Variants in CTNNA3 observed in about 807,000 individuals in gnomAD.
CTNNA3 encodes the protein catenin alpha-3.
CTNNA3 carries 76 observed loss-of-function variants against 95.7 expected under a neutral mutation model. The observed-to-expected ratio is 0.79, with a 90% CI of 0.66 to 0.96. The LOEUF is 0.96. Ranked by LOEUF, CTNNA3 falls within the 40% of genes least tolerant of loss-of-function variation. The pLI is 0.00. For synonymous variants in CTNNA3, 431 were observed against 374.4 expected (o/e 1.15, Z -1.74); for missense variants, 1,191 against 1,089.8 (o/e 1.09, Z -1.31).
intron 13 of CTNNA3, among the ~76,000 whole-genome samples, chr10:66,223,438 C>T (rs1235590765): frequency 2.6e-5 from 4 of 152,106 alleles, no homozygotes; most frequent in African/African-American, 4.8e-5. Context: ...TTTTCTACTA[C>T]GTTCATCGTT....
At chr10:65,930,946 T>C (rs1478200182) in intron 17 of CTNNA3, among the ~76,000 whole-genome samples, 1 of 152,212 alleles carries the variant, frequency 6.6e-6, no homozygotes, top group Non-Finnish European at 1.5e-5. Context: ...TAAGTATATA[T>C]ACTGTACATG....
intron 11 of CTNNA3, among the ~76,000 whole-genome samples, chr10:66,475,962 G>C (rs1030149776): frequency 6.6e-6 from 1 of 151,940 alleles, no homozygotes; most frequent in Non-Finnish European, 1.5e-5. Flanking sequence ...TGGAATCAAC[G>C]CAAATGCCAT....
chr10:66,204,622 C>T (rs558036731), intron 13 of CTNNA3, among the ~76,000 whole-genome samples: 5 of 152,216 alleles, frequency 3.3e-5, no homozygotes, highest in Admixed American at 6.5e-5. Flanking sequence ...GACGAGTATC[C>T]CTGTGCTCTT....
chr10:66,794,289 A>G (rs146060492), intron 7 of CTNNA3, among the ~76,000 whole-genome samples: 68 of 152,276 alleles, frequency 4.5e-4, no homozygotes, highest in African/African-American at 1.5e-3. Context: ...GAATACCTCA[A>G]AGATATTCGG....
chr10:67,369,086 A>C (rs2132694888), intron 5 of CTNNA3, among the ~76,000 whole-genome samples: 1 of 152,250 alleles, frequency 6.6e-6, no homozygotes, highest in Non-Finnish European at 1.5e-5. Flanking sequence ...ACACAGCAAA[A>C]CCCTGTCACT....
At chr10:66,063,686 T>G (rs2080256145) in intron 15 of CTNNA3, among the ~76,000 whole-genome samples, 2 of 152,100 alleles carry the variant, frequency 1.3e-5, no homozygotes, top group African/African-American at 2.4e-5. Flanking sequence ...TATTGCTTTT[T>G]TATATTTACC....
chr10:67,370,027 A>T (rs1472093036), intron 5 of CTNNA3, among the ~76,000 whole-genome samples: 2 of 152,152 alleles, frequency 1.3e-5, no homozygotes, highest in Admixed American at 1.3e-4. Context: ...TACATACTTA[A>T]GTGTATGTAT....
At position 67,180,340 on chromosome 10, in the gene CTNNA3, G is replaced by A. The variant is rs765576079; in HGVS notation, c.1024C>T (p.Leu342=). The change falls in exon 7 of 18, where the codon CTG becomes TTG. Residue 342 remains leucine, a synonymous_variant. Transcript: ENST00000433211. ...ACGTTGTTCATGTACTCTGAAAGCA[G>A]ATCCTGAAGAGCCTGGCGAATGGCG... is the stretch of plus-strand genomic sequence containing the variant. ...CNAIRQALQD[L]LSEYMNNAGK... 1 of 1,613,412 alleles carries A rather than the reference G, an allele frequency of 6.2e-7. No homozygotes were observed. Among genetic ancestry groups the A allele is most frequent in the African/African-American group, 1.3e-5 (1 of 74,888 alleles).
intron 17 of CTNNA3, among the ~76,000 whole-genome samples, chr10:65,940,757 T>A (rs2077417188): frequency 6.6e-6 from 1 of 152,182 alleles, no homozygotes; most frequent in Admixed American, 6.5e-5. Flanking sequence ...TGGGATTATA[T>A]CCTGTTCAAA....
At chr10:66,025,410 A>T (rs912116142) in intron 15 of CTNNA3, among the ~76,000 whole-genome samples, 2 of 152,236 alleles carry the variant, frequency 1.3e-5, no homozygotes, top group African/African-American at 4.8e-5. Flanking sequence ...TGTTTCCTGG[A>T]AAACAATGTC....
intron 15 of CTNNA3, among the ~76,000 whole-genome samples, chr10:66,068,500 A>T (rs1336160786): frequency 6.6e-6 from 1 of 152,180 alleles, no homozygotes; most frequent in South Asian, 2.1e-4. Flanking sequence ...ATGATTTTAA[A>T]ATTAACAGTT....
intron 13 of CTNNA3, among the ~76,000 whole-genome samples, chr10:66,270,257 A>G (rs1390601645): frequency 6.6e-6 from 1 of 151,640 alleles, no homozygotes; most frequent in Non-Finnish European, 1.5e-5. Flanking sequence ...TTTGTCACCC[A>G]GGCTGCAGTG....
chr10:66,921,968 C>G (rs1393545059), intron 7 of CTNNA3, among the ~76,000 whole-genome samples: 1 of 152,064 alleles, frequency 6.6e-6, no homozygotes, highest in Non-Finnish European at 1.5e-5. Context: ...GATATCAGTC[C>G]ATTCTCTTTC....
chr10:67,683,825 C>A (rs546713105), intron 1 of CTNNA3, among the ~76,000 whole-genome samples: 1 of 152,224 alleles, frequency 6.6e-6, no homozygotes, highest in Non-Finnish European at 1.5e-5. Flanking sequence ...GGAGTGAAGC[C>A]ACAGACCTTC....
intron 7 of CTNNA3, among the ~76,000 whole-genome samples, chr10:66,916,635 C>G (rs891286825): frequency 1.3e-5 from 2 of 152,134 alleles, no homozygotes; most frequent in Non-Finnish European, 2.9e-5. Flanking sequence ...CCATAGGATT[C>G]ATTTGTTGAT....
chr10:66,732,447 G>C (rs2132669328), intron 9 of CTNNA3, among the ~76,000 whole-genome samples: 1 of 152,276 alleles, frequency 6.6e-6, no homozygotes, highest in South Asian at 2.1e-4. Context: ...TCTCGAGACT[G>C]GTTCATTTAT....
chr10:66,121,122 C>T (rs2082554955), intron 13 of CTNNA3, among the ~76,000 whole-genome samples: 1 of 152,208 alleles, frequency 6.6e-6, no homozygotes, highest in Non-Finnish European at 1.5e-5. Flanking sequence ...TACTAGCCTT[C>T]TCTCAAACCA....
intron 11 of CTNNA3, among the ~76,000 whole-genome samples, chr10:66,482,847 C>A (rs1366371104): frequency 6.6e-6 from 1 of 152,076 alleles, no homozygotes; most frequent in Non-Finnish European, 1.5e-5. Context: ...TAAACACAGA[C>A]AAAAAAGCTT....
intron 7 of CTNNA3, among the ~76,000 whole-genome samples, chr10:67,036,615 T>G (rs759092149): frequency 6.6e-6 from 1 of 152,114 alleles, no homozygotes; most frequent in South Asian, 2.1e-4. Flanking sequence ...AAGTGATCAT[T>G]TCACCCTGGA....
Sources: gnomAD v4.1 joint callset for allele counts (sites outside exome capture counted in the v4.1 genomes callset) on GRCh38, gnomAD v4.1.1 for gene constraint, MANE v1.5 for transcripts, NCBI Gene and HGNC (gene_info 2026-07-23, HGNC 2026-07-21) for gene names.